Variants in SPAG16 observed in about 807,000 individuals in gnomAD.
The protein encoded by SPAG16 is sperm associated antigen 16, also known as sperm-associated antigen 16 protein.
Under a neutral mutation model 80.4 loss-of-function variants are expected in SPAG16, and 86 were observed. The observed-to-expected ratio is 1.07, with a 90% CI of 0.90 to 1.28. SPAG16 has a LOEUF of 1.28. Ranked by LOEUF, SPAG16 falls within the 50% of genes most tolerant of loss-of-function variation. SPAG16 has a pLI of 0.00. For missense variants in SPAG16, 870 were observed against 765.3 expected (o/e 1.14, Z -1.61); for synonymous variants, 294 against 265.9 (o/e 1.11, Z -1.03).
intron 11 of SPAG16, among the ~76,000 whole-genome samples, chr2:213,872,653 C>T (rs967357695): frequency 6.6e-6 from 1 of 152,002 alleles, no homozygotes; most frequent in East Asian, 1.9e-4. Context: ...TGAAGACATC[C>T]TTGTCTTATT....
chr2:214,200,451 G>A (rs2057977815), intron 15 of SPAG16, among the ~76,000 whole-genome samples: 1 of 152,092 alleles, frequency 6.6e-6, no homozygotes, highest in African/African-American at 2.4e-5. Context: ...TGATCATAAT[G>A]GATTATCTTT....
chr2:213,758,461 A>G (rs538909202), intron 10 of SPAG16, among the ~76,000 whole-genome samples: 1 of 152,202 alleles, frequency 6.6e-6, no homozygotes, highest in African/African-American at 2.4e-5. Context: ...AGTCAAGAAA[A>G]TGATATATGA....
chr2:213,479,688 T>G, intron 9 of SPAG16, among the ~76,000 whole-genome samples: 1 of 151,942 alleles, frequency 6.6e-6, no homozygotes. Context: ...CATGCATGCA[T>G]TCCTCGGTCC....
chr2:213,561,187 T>G (rs2125982409), intron 10 of SPAG16, among the ~76,000 whole-genome samples: 1 of 152,300 alleles, frequency 6.6e-6, no homozygotes, highest in Admixed American at 6.5e-5. Context: ...TTTTGTCCAG[T>G]TTCCTCCATC....
chr2:213,919,254 A>AT (rs953938693), intron 11 of SPAG16, among the ~76,000 whole-genome samples: 2 of 149,616 alleles, frequency 1.3e-5, no homozygotes, highest in Non-Finnish European at 3.0e-5. Context: ...GGATTCATTG[A>AT]TTTTTTTCAG....
intron 10 of SPAG16, among the ~76,000 whole-genome samples, chr2:213,717,376 G>T (rs2066286559): frequency 6.6e-6 from 1 of 151,924 alleles, no homozygotes; most frequent in Non-Finnish European, 1.5e-5. Context: ...TAGCCAGGAT[G>T]GTCTCGATCT....
chr2:213,435,345 T>G (rs576507289), intron 9 of SPAG16, among the ~76,000 whole-genome samples: 66 of 152,276 alleles, frequency 4.3e-4, no homozygotes, highest in African/African-American at 1.5e-3. Flanking sequence ...TATGCACACG[T>G]ACATAGTGTG....
intron 15 of SPAG16, among the ~76,000 whole-genome samples, chr2:214,311,882 C>G (rs914032048): frequency 6.6e-6 from 1 of 152,098 alleles, no homozygotes; most frequent in Non-Finnish European, 1.5e-5. Flanking sequence ...AAATGTATGC[C>G]CCACTCTACA....
At chr2:213,951,500 T>C (rs956814593) in intron 12 of SPAG16, among the ~76,000 whole-genome samples, 4 of 152,074 alleles carry the variant, frequency 2.6e-5, no homozygotes, top group African/African-American at 9.7e-5. Context: ...ATTTAAATAG[T>C]TATACAATAT....
chr2:213,289,616 A>G (rs2126051201), intron 1 of SPAG16, among the ~76,000 whole-genome samples: 1 of 152,338 alleles, frequency 6.6e-6, no homozygotes, highest in East Asian at 1.9e-4. Flanking sequence ...GGCCTTCCTA[A>G]GAAAGGGACC....
At chr2:214,401,048 A>AT (rs1328151293) in intron 15 of SPAG16, among the ~76,000 whole-genome samples, 2 of 152,010 alleles carry the variant, frequency 1.3e-5, no homozygotes, top group Admixed American at 6.6e-5. Context: ...CGCAAGCAAT[A>AT]TTTTTTTCTG....
chr2:213,906,004 T>G (rs970674665), intron 11 of SPAG16, among the ~76,000 whole-genome samples: 11 of 152,162 alleles, frequency 7.2e-5, no homozygotes, highest in African/African-American at 2.7e-4. Context: ...ATAAATAAAT[T>G]TCCTGTCTTG....
At chr2:213,837,763 C>A (rs1373607916) in intron 10 of SPAG16, among the ~76,000 whole-genome samples, 2 of 152,098 alleles carry the variant, frequency 1.3e-5, no homozygotes, top group Non-Finnish European at 2.9e-5. Context: ...GGAGGTTTTC[C>A]TGGATTATCT....
chr2:213,802,395 C>CTCTA (rs58879510), intron 10 of SPAG16, among the ~76,000 whole-genome samples: 40,997 of 147,882 alleles, frequency 0.28, 5,632 homozygotes, highest in East Asian at 0.31. Context: ...TGATTCATGT[C>CTCTA]TCTATCTATC....
chr2:213,349,236 A>G (rs2065190159), intron 6 of SPAG16, among the ~76,000 whole-genome samples: 1 of 152,304 alleles, frequency 6.6e-6, no homozygotes, highest in East Asian at 1.9e-4. Flanking sequence ...ATTTTAGAAA[A>G]TAAAGTTTTA....
intron 10 of SPAG16, among the ~76,000 whole-genome samples, chr2:213,614,949 A>C (rs1384744198): frequency 6.6e-6 from 1 of 152,212 alleles, no homozygotes; most frequent in Non-Finnish European, 1.5e-5. Flanking sequence ...GATTTTTCTC[A>C]CTGCTGAGGA....
intron 15 of SPAG16, among the ~76,000 whole-genome samples, chr2:214,201,168 C>T (rs1329822713): frequency 2.0e-5 from 3 of 152,130 alleles, no homozygotes; most frequent in Non-Finnish European, 2.9e-5. Flanking sequence ...TACAGGGCCA[C>T]AATTAAGTAG....
intron 13 of SPAG16, among the ~76,000 whole-genome samples, chr2:214,103,276 T>C (rs1223285104): frequency 6.6e-6 from 1 of 152,128 alleles, no homozygotes; most frequent in African/African-American, 2.4e-5. Context: ...AGAGGCAATA[T>C]TGTGGAACCA....
intron 15 of SPAG16, among the ~76,000 whole-genome samples, chr2:214,376,592 A>C (rs2126098686): frequency 6.6e-6 from 1 of 152,280 alleles, no homozygotes; most frequent in Middle Eastern, 3.4e-3. Flanking sequence ...TATTGTACTG[A>C]CATTATCTTT....
Sources: gnomAD v4.1 joint callset for allele counts (sites outside exome capture counted in the v4.1 genomes callset) on GRCh38, gnomAD v4.1.1 for gene constraint, MANE v1.5 for transcripts, NCBI Gene and HGNC (gene_info 2026-07-23, HGNC 2026-07-21) for gene names.